NEDD4: variants seen among roughly 807,000 people sequenced by gnomAD.
NEDD4 encodes the protein E3 ubiquitin-protein ligase NEDD4.
In NEDD4, 99 loss-of-function variants were observed where a neutral mutation model predicts 144.9. That is an observed-to-expected ratio of 0.68 (90% CI 0.58 to 0.81). The LOEUF is 0.81. Ranked by LOEUF, NEDD4 falls within the 30% of genes least tolerant of loss-of-function variation. The pLI is 0.00. For synonymous variants in NEDD4, 318 were observed against 350.6 expected (o/e 0.91, Z 1.04); for missense variants, 985 against 1,065.9 (o/e 0.92, Z 1.06).
intron 8 of NEDD4, among the ~76,000 whole-genome samples, chr15:55,867,636 A>C (rs1167823963): frequency 6.6e-6 from 1 of 152,244 alleles, no homozygotes; most frequent in African/African-American, 2.4e-5. Context: ...TGAATACTTG[A>C]AAACTTTAAA....
chr15:55,874,807 C>G (rs1323737482), intron 5 of NEDD4, among the ~76,000 whole-genome samples: 1 of 152,082 alleles, frequency 6.6e-6, no homozygotes, highest in Non-Finnish European at 1.5e-5. Flanking sequence ...AACCTCATCT[C>G]TACGAAAAAT....
At chr15:55,850,415 C>T in intron 14 of NEDD4, 127 bp downstream of exon 14, 1 of 851,104 alleles carries the variant, frequency 1.2e-6, no homozygotes, top group South Asian at 1.8e-5. Context: ...ATTAAGAATT[C>T]AATATACCTT....
chr15:55,839,793 C>A (rs533731649), intron 21 of NEDD4, among the ~76,000 whole-genome samples: 1 of 150,974 alleles, frequency 6.6e-6, no homozygotes, highest in Non-Finnish European at 1.5e-5. Flanking sequence ...CTGGTGAACA[C>A]GGTGAAACCC....
intron 5 of NEDD4, among the ~76,000 whole-genome samples, chr15:55,904,442 A>T (rs1419883975): frequency 6.6e-6 from 1 of 151,898 alleles, no homozygotes; most frequent in Non-Finnish European, 1.5e-5. Context: ...AGCTGGGATT[A>T]CAGGCGTGCA....
intron 4 of NEDD4, 100 bp downstream of exon 4, chr15:55,951,276 G>T: frequency 1.8e-6 from 1 of 569,330 alleles, no homozygotes; most frequent in Non-Finnish European, 3.0e-6. Context: ...GGCAAATTCT[G>T]AGATACATCT....
At chr15:55,968,639 A>C (rs369530203) in intron 1 of NEDD4, among the ~76,000 whole-genome samples, 5 of 152,316 alleles carry the variant, frequency 3.3e-5, no homozygotes, top group South Asian at 4.2e-4. Flanking sequence ...ATGAAAAGAT[A>C]ATCTCACCGG....
chr15:55,910,836 C>T (rs1224531682), intron 5 of NEDD4, among the ~76,000 whole-genome samples: 1 of 152,172 alleles, frequency 6.6e-6, no homozygotes, highest in Admixed American at 6.5e-5. Context: ...GTTAGGAAAA[C>T]TTTAATTCAT....
At position 55,860,433 on chromosome 15, in the gene NEDD4, C is replaced by G; in HGVS notation, c.934G>C (p.Ala312Pro). ...NARLTIFGNSAVSQPASSSNH... is the reference protein window; with the variant it reads ...NARLTIFGNSPVSQPASSSNH... ...GAGCTCGATGCTGGCTGGCTCACGGCTGAATTTCCAAAAATGGTGAGTCTG... is the reference window on the plus strand; with the variant it reads ...GAGCTCGATGCTGGCTGGCTCACGGGTGAATTTCCAAAAATGGTGAGTCTG... Residue 312 changes from alanine (A) to proline (P), a missense_variant, in exon 11 of 29, where the codon GCC becomes CCC. Transcript: ENST00000435532. The G allele has an allele frequency of 6.2e-7, 1 of 1,614,078 alleles. No homozygotes were observed. Among genetic ancestry groups the G allele is most frequent in the Non-Finnish European group, 8.5e-7 (1 of 1,179,988 alleles).
At chr15:55,949,941 A>G (rs1042322304) in intron 4 of NEDD4, among the ~76,000 whole-genome samples, 4 of 151,898 alleles carry the variant, frequency 2.6e-5, no homozygotes, top group Non-Finnish European at 5.9e-5. Flanking sequence ...CCTAGAACTT[A>G]AAGTATAATT....
At chr15:55,884,987 A>C (rs1348838801) in intron 5 of NEDD4, among the ~76,000 whole-genome samples, 1 of 152,066 alleles carries the variant, frequency 6.6e-6, no homozygotes, top group African/African-American at 2.4e-5. Context: ...CCTAAATAAG[A>C]CTCCTCAAGA....
chr15:55,874,381 T>A (rs184147657), intron 5 of NEDD4, among the ~76,000 whole-genome samples: 4 of 152,218 alleles, frequency 2.6e-5, no homozygotes, highest in African/African-American at 9.6e-5. Context: ...ACAGTCCACA[T>A]AATGCAGAGA....
intron 1 of NEDD4, among the ~76,000 whole-genome samples, chr15:55,989,334 C>G (rs1214336476): frequency 6.6e-6 from 1 of 152,098 alleles, no homozygotes; most frequent in African/African-American, 2.4e-5. Context: ...TTACAATGAT[C>G]CTGGAATTAA....
chr15:55,949,493 C>T (rs2037194264), intron 4 of NEDD4, among the ~76,000 whole-genome samples: 1 of 152,206 alleles, frequency 6.6e-6, no homozygotes, highest in African/African-American at 2.4e-5. Context: ...TGTAAAGACA[C>T]ATGCATACAT....
At chr15:55,874,124 T>A in intron 5 of NEDD4, 116 bp from the exon 6 acceptor site, 1 of 518,818 alleles carries the variant, frequency 1.9e-6, no homozygotes, top group South Asian at 3.8e-5. Context: ...TATTCAGTCA[T>A]ATGCAGCATC....
intron 4 of NEDD4, among the ~76,000 whole-genome samples, chr15:55,949,163 A>G (rs1165814128): frequency 2.6e-5 from 4 of 152,234 alleles, no homozygotes; most frequent in African/African-American, 9.6e-5. Flanking sequence ...CACTTCTCAA[A>G]AGAAGCCATT....
chr15:55,981,217 ATT>A (rs1398094540), intron 1 of NEDD4, among the ~76,000 whole-genome samples: 92 of 151,990 alleles, frequency 6.1e-4, no homozygotes, highest in Admixed American at 5.8e-3. Flanking sequence ...TAATTCTTGT[ATT>A]TTTAGTAGAG....
chr15:55,951,143 T>TATTCA (rs1237392354), intron 4 of NEDD4, among the ~76,000 whole-genome samples: 1 of 152,222 alleles, frequency 6.6e-6, no homozygotes, highest in Non-Finnish European at 1.5e-5. Flanking sequence ...GTAAGACTAC[T>TATTCA]GTACAGTCTC....
At chr15:55,922,526 C>A (rs2036587643) in intron 5 of NEDD4, among the ~76,000 whole-genome samples, 1 of 152,106 alleles carries the variant, frequency 6.6e-6, no homozygotes, top group Non-Finnish European at 1.5e-5. Context: ...TCACGCCTAA[C>A]TAATTTTTGT....
chr15:55,923,659 A>AAAAAAAT (rs546642962), intron 5 of NEDD4, among the ~76,000 whole-genome samples: 18 of 135,266 alleles, frequency 1.3e-4, no homozygotes, highest in Non-Finnish European at 2.2e-4. Context: ...AAAAAAAAAA[A>AAAAAAAT]ATATATATAT....
Sources: allele counts gnomAD v4.1 joint callset (sites outside exome capture counted in the v4.1 genomes callset), GRCh38; gene constraint gnomAD v4.1.1; transcripts MANE v1.5; gene names NCBI Gene and HGNC (gene_info 2026-07-23, HGNC 2026-07-21).